The following AGAP1 variants were observed in gnomAD, a reference collection of about 807,000 sequenced individuals.
AGAP1 encodes the protein ArfGAP with GTPase domain, ankyrin repeat and PH domain 1.
AGAP1 carries 29 observed loss-of-function variants against 105.3 expected under a neutral mutation model. That is an observed-to-expected ratio of 0.28 (90% confidence interval 0.21 to 0.38). The LOEUF (loss-of-function observed/expected upper bound fraction) is 0.38. AGAP1 is among the 10% of genes least tolerant of loss of function. AGAP1 has a pLI of 1.00. For synonymous variants in AGAP1, 509 were observed against 485.9 expected, an observed-to-expected ratio of 1.05 and a Z score of -0.63; for missense variants, 998 against 1,165.1, an observed-to-expected ratio of 0.86 and a Z score of 2.09.
At chr2:236,106,646 A>G (rs1299673721) in intron 16 of AGAP1, among the ~76,000 whole-genome samples, 2 of 152,224 alleles carry the variant, frequency 1.3e-5, no homozygotes, top group African/African-American at 2.4e-5. Flanking sequence ...CATTTGGAGA[A>G]GGTGGCTGGA....
rs762717255 is a variant in AGAP1 at position 235,574,811 on chromosome 2, A to G, written c.163+79962A>G. The stretch of plus-strand genomic sequence containing the variant: ...TAACTAATTTTGAATATTTTCTGAG[A>G]CCTTTGGTTTAGAATCTAAACTTTG... On this transcript the variant is annotated intron_variant, in intron 1 of 17. Coordinates refer to ENST00000304032, the MANE Select transcript of AGAP1 (RefSeq NM_001037131.3). This position sits in a 1 kb window ranked among gnomAD's most constrained non-coding sequence, Gnocchi z 5.0. Among the ~76,000 whole-genome samples, 20 of 152,306 alleles carry G rather than the reference A, an allele frequency of 1.3e-4. No individual in the cohort carries two copies. In the Middle Eastern group the frequency reaches 0.024, roughly 181 times the overall value.
Position 235,735,972 on chromosome 2 carries a change from GGATGC to G in AGAP1, c.311-4989_311-4985del, listed in dbSNP as rs3841860. Among the ~76,000 whole-genome samples the G allele has an allele frequency of 8.7e-3, 1,322 of 152,144 alleles. 22 individuals are homozygous for G. The highest frequency in any genetic ancestry group is 0.027 in the African/African-American group (1,121 of 41,518). ...CAGTGCAGAAAGCCAAGCCCAGAAG[GGATGC>G]GGGTTCCGTTCTCACCTCCCTCTGC... On this transcript the variant is annotated intron_variant, in intron 3 of 17. Coordinates refer to ENST00000304032, the MANE Select transcript of AGAP1 (RefSeq NM_001037131.3).
chr2:235,531,769 C>T (rs1943053773), intron 1 of AGAP1, among the ~76,000 whole-genome samples: 1 of 152,032 alleles, frequency 6.6e-6, no homozygotes, highest in South Asian at 2.1e-4. Flanking sequence ...CCACCACGCC[C>T]AGCTAATTTT....
intron 9 of AGAP1, among the ~76,000 whole-genome samples, chr2:235,822,200 G>C (rs1004604661): frequency 6.6e-6 from 1 of 152,226 alleles, no homozygotes; most frequent in African/African-American, 2.4e-5. Context: ...TCAATAATAA[G>C]TAGGTTTTAT....
In AGAP1 at chr2:235,883,072, G is replaced by A. The variant is rs570573675; in HGVS notation, c.1051-273G>A. Among the ~76,000 whole-genome samples the A allele has an allele frequency of 3.3e-5, 5 of 152,018 alleles. No individual in the cohort carries two copies. Among genetic ancestry groups the A allele is most frequent in the Admixed American group, 6.6e-5 (1 of 15,258 alleles). Reference sequence around the variant, plus strand: ...CTTGGGCTCAAACGATCCTTACACCGTGCCCAGCCTGGGGTTTCTTTCTTT... The same window carrying A: ...CTTGGGCTCAAACGATCCTTACACCATGCCCAGCCTGGGGTTTCTTTCTTT... On this transcript the variant is annotated intron_variant, in intron 9 of 17. Transcript: ENST00000304032. The surrounding 1 kb of genome is among the most constrained non-coding windows in gnomAD (Gnocchi z 4.5).
At chr2:236,094,599 A>G (rs992003398) in intron 16 of AGAP1, among the ~76,000 whole-genome samples, 3 of 152,048 alleles carry the variant, frequency 2.0e-5, no homozygotes, top group Non-Finnish European at 4.4e-5. Flanking sequence ...CGATCCTCCC[A>G]TCTTGACCTC....
chr2:235,693,627 G>A lies in AGAP1; in HGVS notation c.164-15552G>A, dbSNP rs370128674. Among the ~76,000 whole-genome samples the A allele has an allele frequency of 5.3e-5, 8 of 152,274 alleles. No individual in the cohort carries two copies. In the South Asian group the frequency reaches 1.2e-3, roughly 24 times the overall value. On this transcript the variant is annotated intron_variant, in intron 1 of 17. Coordinates refer to ENST00000304032, the MANE Select transcript of AGAP1 (RefSeq NM_001037131.3). ...AGTCCTAGGTACTCGAAGCTGCGGC[G>A]GGAGGATCACGAGCTCAGGAGTTCG...
rs573282973 is a variant in AGAP1, at chr2:235,618,617, A to G, written c.164-90562A>G. Among the ~76,000 whole-genome samples, 4 of 152,330 alleles carry G rather than the reference A, an allele frequency of 2.6e-5. 1 individual carries two copies. The highest frequency in any genetic ancestry group is 9.6e-5 in the African/African-American group (4 of 41,572). Reference sequence around the variant, plus strand: ...TTTATTAAGGTCCATTTTTAAGCTTATATTTAAATAATGTACCATAAAAGC... The same window carrying G: ...TTTATTAAGGTCCATTTTTAAGCTTGTATTTAAATAATGTACCATAAAAGC... On this transcript the variant is annotated intron_variant, in intron 1 of 17. Transcript: ENST00000304032.
chr2:235,750,080 C>G lies in AGAP1; in HGVS notation c.539-274C>G, dbSNP rs1953304932. ...TCCTCCTTTCTAAAGTATGTATCCT[C>G]TAGACCCATATTTAAGTCTTTTTCC... On this transcript the variant is annotated intron_variant, in intron 5 of 17. Transcript: ENST00000304032. The surrounding 1 kb of genome is among the most constrained non-coding windows in gnomAD (Gnocchi z 5.3). Among the ~76,000 whole-genome samples, 1 of 152,164 alleles carries G rather than the reference C, an allele frequency of 6.6e-6. No individual in the cohort carries two copies. Among genetic ancestry groups the G allele is most frequent in the Non-Finnish European group, 1.5e-5 (1 of 68,028 alleles).
chr2:235,884,469 T>TTTC (rs57639994), intron 10 of AGAP1, among the ~76,000 whole-genome samples: 1 of 150,304 alleles, frequency 6.7e-6, no homozygotes, highest in African/African-American at 2.5e-5. Flanking sequence ...TTTTTTTTTT[T>TTTC]GAGAGGAGTC....
intron 1 of AGAP1, among the ~76,000 whole-genome samples, chr2:235,527,790 A>G (rs1237505066): frequency 6.6e-6 from 1 of 152,178 alleles, no homozygotes; most frequent in African/African-American, 2.4e-5. Flanking sequence ...GCAGTGTTTT[A>G]GTTCTTGTGT....
At chr2:235,715,808 A>G (rs1575210037) in intron 2 of AGAP1, among the ~76,000 whole-genome samples, 1 of 152,082 alleles carries the variant, frequency 6.6e-6, no homozygotes, top group South Asian at 2.1e-4. Context: ...GGTGCCCAGG[A>G]GGGAGCGGAC....
At chr2:235,643,770 C>T (rs756801913) in intron 1 of AGAP1, among the ~76,000 whole-genome samples, 7 of 152,008 alleles carry the variant, frequency 4.6e-5, no homozygotes, top group African/African-American at 7.3e-5. Context: ...ACTGCTGCAG[C>T]GCACTGTTGA....
At chr2:235,755,205 TCTGTGC>T (rs1269232586) in intron 6 of AGAP1, among the ~76,000 whole-genome samples, 1 of 152,210 alleles carries the variant, frequency 6.6e-6, no homozygotes. Flanking sequence ...AGCCAGCGGC[TCTGTGC>T]CTGTCAGATT....
At position 235,611,659 on chromosome 2, in the gene AGAP1, G is replaced by A. The variant is rs935484547; in HGVS notation, c.164-97520G>A. On this transcript the variant is annotated intron_variant, in intron 1 of 17. Transcript: ENST00000304032. This position sits in a 1 kb window ranked among gnomAD's most constrained non-coding sequence, Gnocchi z 5.0. ...GCTTGGATCTTTAGATTGATAAGCA[G>A]GATAGTAAACCAGTTGTGAGGAACA... Among the ~76,000 whole-genome samples, 4 of 152,184 alleles carry A rather than the reference G, an allele frequency of 2.6e-5. No individual in the cohort carries two copies. Among genetic ancestry groups the A allele is most frequent in the Non-Finnish European group, 5.9e-5 (4 of 68,038 alleles).
At chr2:235,822,134 T>A (rs990337680) in intron 9 of AGAP1, among the ~76,000 whole-genome samples, 4 of 152,242 alleles carry the variant, frequency 2.6e-5, no homozygotes, top group African/African-American at 9.6e-5. Flanking sequence ...GGGATGAATG[T>A]CTTCGGGGAG....
At chr2:235,761,305 C>G (rs1439840725) in intron 6 of AGAP1, among the ~76,000 whole-genome samples, 2 of 152,186 alleles carry the variant, frequency 1.3e-5, no homozygotes, top group African/African-American at 4.8e-5. Context: ...TAAGTGTGCA[C>G]AGATGCTCAT....
intron 6 of AGAP1, among the ~76,000 whole-genome samples, chr2:235,764,339 GC>G (rs1954733084): frequency 6.6e-6 from 1 of 152,124 alleles, no homozygotes; most frequent in Admixed American, 6.5e-5. Context: ...AAGAGCTGTG[GC>G]CCACCACGGT....
intron 16 of AGAP1, among the ~76,000 whole-genome samples, chr2:236,074,033 A>G (rs1214693932): frequency 6.6e-6 from 1 of 152,180 alleles, no homozygotes; most frequent in African/African-American, 2.4e-5. Flanking sequence ...GCCTGGAGAC[A>G]TCCTGGATTG....
Sources: allele counts gnomAD v4.1 joint callset (sites outside exome capture counted in the v4.1 genomes callset), GRCh38; gene constraint gnomAD v4.1.1; non-coding constraint Gnocchi (gnomAD v3.1); transcripts MANE v1.5; gene names NCBI Gene and HGNC (gene_info 2026-07-23, HGNC 2026-07-21).